CCDC102B: variants seen among roughly 807,000 people sequenced by gnomAD.
CCDC102B encodes the protein coiled-coil domain containing 102B, also known as coiled-coil domain-containing protein 102B.
A neutral mutation model predicts 57.4 loss-of-function variants in CCDC102B; 75 were observed. The ratio of observed to expected loss-of-function variants is 1.31; its 90% CI spans 1.08 to 1.58. CCDC102B has a LOEUF of 1.58. Ranked by LOEUF, CCDC102B falls within the 40% of genes most tolerant of loss-of-function variation. CCDC102B has a pLI of 0.00. For synonymous variants in CCDC102B, 206 were observed against 201.9 expected (o/e 1.02, Z -0.17); for missense variants, 636 against 582.6 (o/e 1.09, Z -0.94).
intron 2 of CCDC102B, among the ~76,000 whole-genome samples, chr18:68,786,022 G>A (rs1289888182): frequency 6.6e-6 from 1 of 151,638 alleles, no homozygotes; most frequent in African/African-American, 2.4e-5. Flanking sequence ...GTAAGGAAGG[G>A]ATCCAGTTTC....
chr18:68,838,768 T>G lies in CCDC102B; in HGVS notation c.669T>G (p.Gly223=). ...LSEEMKPNLD[G]VDLFNNGGSG... ...AGGAGATGAAGCCCAATCTAGATGGTGTTGATTTATTCAACAATGGTGGTT... is the reference window on the plus strand; with the variant it reads ...AGGAGATGAAGCCCAATCTAGATGGGGTTGATTTATTCAACAATGGTGGTT... Residue 223 remains glycine, a synonymous_variant, in exon 3 of 8, where the codon GGT becomes GGG. Transcript: ENST00000360242. The G allele has an allele frequency of 1.9e-6, 3 of 1,614,074 alleles. No individual in the cohort carries two copies. Among genetic ancestry groups the G allele is most frequent in the Non-Finnish European group, 2.5e-6 (3 of 1,179,956 alleles).
At chr18:68,885,783 A>G (rs1026900831) in intron 5 of CCDC102B, among the ~76,000 whole-genome samples, 1 of 152,066 alleles carries the variant, frequency 6.6e-6, no homozygotes, top group Non-Finnish European at 1.5e-5. Context: ...AGAACTAAAT[A>G]GAAAAGACTA....
chr18:68,827,968 A>G (rs999128705), intron 1 of CCDC102B, among the ~76,000 whole-genome samples: 3 of 151,998 alleles, frequency 2.0e-5, no homozygotes, highest in African/African-American at 7.2e-5. Flanking sequence ...TAGAAACCCA[A>G]CACAGACACG....
chr18:68,733,478 T>TTTTA (rs1555695149), intron 2 of CCDC102B, among the ~76,000 whole-genome samples: 17 of 25,138 alleles, frequency 6.8e-4, no homozygotes, highest in Non-Finnish European at 1.5e-3. Context: ...TTAGACAACT[T>TTTTA]TATATATATA....
chr18:68,757,566 A>C lies in CCDC102B; in HGVS notation c.-67+40972A>C, dbSNP rs28392703. On this transcript the variant is annotated intron_variant, in intron 2 of 3. Transcript: ENST00000578970. ...ACTGGTGTGAAGAAAATTATATAAA[A>C]TGAGTATAACTGTTTATTGCTTTAT... Among the ~76,000 whole-genome samples, 358 of 152,290 alleles carry C rather than the reference A, an allele frequency of 2.4e-3. 1 individual carries two copies. Among genetic ancestry groups the C allele is most frequent in the African/African-American group, 8.2e-3 (339 of 41,572 alleles).
intron 7 of CCDC102B, among the ~76,000 whole-genome samples, chr18:69,024,681 A>G (rs2051936815): frequency 6.6e-6 from 1 of 152,004 alleles, no homozygotes; most frequent in Non-Finnish European, 1.5e-5. Context: ...AAGATGAATA[A>G]ATGTGCCTGA....
chr18:68,961,212 T>A (rs1382532673), intron 6 of CCDC102B, among the ~76,000 whole-genome samples: 1 of 151,968 alleles, frequency 6.6e-6, no homozygotes, highest in Non-Finnish European at 1.5e-5. Context: ...TTAAATAAAT[T>A]GGCACATAGA....
At chr18:69,032,130 GT>G (rs561018354) in intron 7 of CCDC102B, among the ~76,000 whole-genome samples, 2 of 152,046 alleles carry the variant, frequency 1.3e-5, no homozygotes, top group Non-Finnish European at 2.9e-5. Flanking sequence ...CTCTCATTGA[GT>G]TTTTTTGATG....
intron 6 of CCDC102B, among the ~76,000 whole-genome samples, chr18:69,004,954 A>G (rs1389878432): frequency 6.6e-6 from 1 of 152,228 alleles, no homozygotes; most frequent in African/African-American, 2.4e-5. Context: ...ATTTTAAACT[A>G]TCATCTGCCA....
intron 2 of CCDC102B, among the ~76,000 whole-genome samples, chr18:68,779,681 T>C (rs879927076): frequency 2.6e-5 from 4 of 152,034 alleles, no homozygotes; most frequent in African/African-American, 4.8e-5. Context: ...CAGAAAATCA[T>C]GCAGTGAGGA....
At chr18:68,962,613 A>T (rs370368791) in intron 6 of CCDC102B, among the ~76,000 whole-genome samples, 1 of 152,076 alleles carries the variant, frequency 6.6e-6, no homozygotes, top group South Asian at 2.1e-4. Context: ...GTGGCATTGC[A>T]TATGTAGTAG....
intron 4 of CCDC102B, chr18:68,866,961 T>G (rs1182171753): frequency 2.3e-6 from 1 of 437,500 alleles, no homozygotes; most frequent in African/African-American, 2.0e-5. Flanking sequence ...ATTCCACAGC[T>G]ACATCAATCT....
intron 7 of CCDC102B, among the ~76,000 whole-genome samples, chr18:69,043,452 A>G (rs1437670476): frequency 2.6e-5 from 4 of 151,970 alleles, no homozygotes; most frequent in African/African-American, 9.7e-5. Context: ...ACGAGACCAT[A>G]TTTCAGACTA....
At chr18:68,752,103 T>TA (rs1469340758) in intron 2 of CCDC102B, among the ~76,000 whole-genome samples, 1 of 151,624 alleles carries the variant, frequency 6.6e-6, no homozygotes, top group Non-Finnish European at 1.5e-5. Flanking sequence ...CTACTAAAAA[T>TA]ACAAAAATTA....
At chr18:68,878,998 G>A (rs1158496149) in intron 5 of CCDC102B, among the ~76,000 whole-genome samples, 6 of 152,210 alleles carry the variant, frequency 3.9e-5, no homozygotes, top group Non-Finnish European at 2.9e-5. Context: ...GGATGTGTTC[G>A]GAGTTTCTTC....
intron 2 of CCDC102B, among the ~76,000 whole-genome samples, chr18:68,788,400 C>T (rs1190925386): frequency 1.5e-4 from 23 of 148,606 alleles, no homozygotes; most frequent in Non-Finnish European, 2.4e-4. Flanking sequence ...CTTTCTGTCT[C>T]GTTGATCTGT....
At chr18:69,018,108 T>C (rs544869823) in intron 7 of CCDC102B, among the ~76,000 whole-genome samples, 44 of 152,312 alleles carry the variant, frequency 2.9e-4, no homozygotes, top group African/African-American at 1.0e-3. Flanking sequence ...TATCCATTTA[T>C]CCAACAATGG....
chr18:68,731,426 C>G (rs975089745), intron 2 of CCDC102B, among the ~76,000 whole-genome samples: 22 of 152,162 alleles, frequency 1.4e-4, no homozygotes, highest in Non-Finnish European at 2.9e-4. Flanking sequence ...AACTTGCACA[C>G]TCCCTTATCC....
intron 6 of CCDC102B, among the ~76,000 whole-genome samples, chr18:68,911,423 G>A (rs2145071967): frequency 6.6e-6 from 1 of 152,190 alleles, no homozygotes; most frequent in East Asian, 1.9e-4. Flanking sequence ...AACAGACACG[G>A]GGGTCTACAG....
Sources: allele counts gnomAD v4.1 joint callset (sites outside exome capture counted in the v4.1 genomes callset), GRCh38; gene constraint gnomAD v4.1.1; transcripts MANE v1.5; gene names NCBI Gene and HGNC (gene_info 2026-07-23, HGNC 2026-07-21).